The following IDO2 variants were observed in gnomAD, a reference collection of about 807,000 sequenced individuals.
The protein encoded by IDO2 is indoleamine 2,3-dioxygenase-like 1 protein.
In IDO2, 46 loss-of-function variants were observed where a neutral mutation model predicts 45.1. The ratio of observed to expected loss-of-function variants is 1.02; its 90% CI spans 0.80 to 1.30. The LOEUF (loss-of-function observed/expected upper bound fraction) is 1.30, where lower values mean the gene tolerates loss of function less well. Ranked by LOEUF, IDO2 falls within the 50% of genes most tolerant of loss-of-function variation. The pLI is 0.00. For missense variants in IDO2, 544 were observed against 491.8 expected, an observed-to-expected ratio of 1.11 and a Z score of -1.00; for synonymous variants, 218 against 184.9, an observed-to-expected ratio of 1.18 and a Z score of -1.45.
intron 8 of IDO2, among the ~76,000 whole-genome samples, chr8:39,990,723 T>C (rs1470427707): frequency 1.3e-5 from 2 of 152,226 alleles, no homozygotes; most frequent in African/African-American, 4.8e-5. Flanking sequence ...GCACATGTAT[T>C]CCCATTGCAA....
chr8:39,974,431 A>G (rs577813733), intron 3 of IDO2, among the ~76,000 whole-genome samples: 1 of 152,222 alleles, frequency 6.6e-6, no homozygotes, highest in Admixed American at 6.5e-5. Flanking sequence ...AAAATCAAAA[A>G]TGTTTCATCT....
At chr8:40,012,481 C>T (rs1018408388) in intron 9 of IDO2, among the ~76,000 whole-genome samples, 2 of 152,162 alleles carry the variant, frequency 1.3e-5, no homozygotes, top group African/African-American at 4.8e-5. Flanking sequence ...CTCCAAAAAT[C>T]TGTCCTGATG....
At chr8:39,960,806 G>A (rs747055845) in intron 2 of IDO2, among the ~76,000 whole-genome samples, 3 of 151,500 alleles carry the variant, frequency 2.0e-5, no homozygotes, top group East Asian at 1.9e-4. Flanking sequence ...TTTTTGAGAC[G>A]GAGTCTCGCT....
At chr8:40,010,125 T>C (rs1802290501) in intron 9 of IDO2, among the ~76,000 whole-genome samples, 1 of 152,018 alleles carries the variant, frequency 6.6e-6, no homozygotes, top group Non-Finnish European at 1.5e-5. Context: ...AATGAAGAAA[T>C]GGAAAGCTGG....
chr8:40,015,971 A>AAAC (rs1802382550), exon 11 of IDO2: 4 of 373,568 alleles, frequency 1.1e-5, no homozygotes, highest in South Asian at 1.3e-4. Context: ...TTCTTAAAAA[A>AAAC]CAAATTCACT....
intron 3 of IDO2, among the ~76,000 whole-genome samples, chr8:39,964,307 G>A (rs1258625562): frequency 6.6e-6 from 1 of 152,196 alleles, no homozygotes; most frequent in East Asian, 1.9e-4. Context: ...CCCTGAAAAA[G>A]TTACTCAACT....
chr8:39,998,264 GT>G (rs1802079963), intron 8 of IDO2: 1 of 152,172 alleles, frequency 6.6e-6, no homozygotes, highest in African/African-American at 2.4e-5. Flanking sequence ...GATATGGCAT[GT>G]TTCATTATCC....
chr8:39,971,797 C>T (rs535891353), intron 3 of IDO2, among the ~76,000 whole-genome samples: 6 of 146,612 alleles, frequency 4.1e-5, no homozygotes, highest in South Asian at 4.6e-4. Flanking sequence ...TGCAATCTTA[C>T]GATTGAACTT....
chr8:39,938,522 T>C (rs1402477256), intron 1 of IDO2, among the ~76,000 whole-genome samples: 1 of 151,930 alleles, frequency 6.6e-6, no homozygotes, highest in Non-Finnish European at 1.5e-5. Flanking sequence ...TAGGTGACCT[T>C]GGGTTTGGAG....
chr8:39,987,705 A>C (rs1808445303), intron 6 of IDO2, 166 bp from the exon 7 acceptor site: 2 of 559,744 alleles, frequency 3.6e-6, no homozygotes. Context: ...TTCCTCCCTG[A>C]ATGTTGCTGA....
chr8:40,003,530 C>T (rs1483801117), intron 8 of IDO2, among the ~76,000 whole-genome samples: 2 of 151,954 alleles, frequency 1.3e-5, no homozygotes, highest in African/African-American at 4.8e-5. Context: ...TATTTACCTG[C>T]CTCTTACCTG....
intron 2 of IDO2, among the ~76,000 whole-genome samples, chr8:39,962,397 T>C (rs1276187470): frequency 6.6e-6 from 1 of 152,176 alleles, no homozygotes; most frequent in Non-Finnish European, 1.5e-5. Flanking sequence ...GTCCTACAAA[T>C]TTATCTTCCT....
chr8:39,993,227 T>C (rs72630551), intron 8 of IDO2, among the ~76,000 whole-genome samples: 3 of 147,902 alleles, frequency 2.0e-5, no homozygotes, highest in Admixed American at 6.8e-5. Flanking sequence ...AAGACATGTG[T>C]TTTTTTTTTT....
intron 8 of IDO2, among the ~76,000 whole-genome samples, chr8:39,995,871 T>C (rs1005756862): frequency 6.6e-6 from 1 of 152,172 alleles, no homozygotes; most frequent in African/African-American, 2.4e-5. Flanking sequence ...CTCCTTGGTC[T>C]AGCGGTAACG....
chr8:39,995,224 TCTCCTTCTCCTTCTCCTTCTC>T (rs1563438223), intron 8 of IDO2: 15 of 80,820 alleles, frequency 1.9e-4, no homozygotes, highest in African/African-American at 8.9e-4. Flanking sequence ...TCCTTCTCCT[TCTCCTTCTCCTTCTCCTTCTC>T]CTTCTCCTTC....
chr8:39,955,519 A>G (rs943512417), intron 2 of IDO2, among the ~76,000 whole-genome samples: 1 of 151,878 alleles, frequency 6.6e-6, no homozygotes, highest in African/African-American at 2.4e-5. Context: ...GCATCTGAAA[A>G]TGCTGGGGTT....
In IDO2 at chr8:39,999,276, C is replaced by CT. The variant is rs35720120; in HGVS notation, c.668-6030dup. ...GGCCTTGGGCTTCATTCTGCTGCTG[C>CT]TTTTTTTTTTTTTTTTTTTTTGAGA... On this transcript the variant is annotated intron_variant, in intron 8 of 10. Transcript: ENST00000502986. 7.1e-3 allele frequency among the ~76,000 whole-genome samples: 555 copies of CT among 78,398 alleles called. 32 individuals are homozygous for CT. The highest frequency in any genetic ancestry group is 0.015 in the African/African-American group (306 of 19,824). The allele number at this position is 78,398 out of a possible 152,430, so 51.4% of individuals were successfully genotyped here. A position where few individuals can be genotyped will look rare whatever the true frequency, so the allele number is the denominator to read the frequency against.
At chr8:39,935,850 G>GCAAAACCTGAAGT (rs1371410337) in intron 1 of IDO2, among the ~76,000 whole-genome samples, 3 of 152,268 alleles carry the variant, frequency 2.0e-5, no homozygotes, top group East Asian at 3.9e-4. Flanking sequence ...TTGGAAGACA[G>GCAAAACCTGAAGT]CAAAACCTGA....
At chr8:39,938,333 A>G (rs1807589362) in intron 1 of IDO2, among the ~76,000 whole-genome samples, 1 of 152,104 alleles carries the variant, frequency 6.6e-6, no homozygotes, top group African/African-American at 2.4e-5. Context: ...AAAACTATAT[A>G]TTTTGTATAT....
Sources: gnomAD v4.1 joint callset for allele counts (sites outside exome capture counted in the v4.1 genomes callset) on GRCh38, gnomAD v4.1.1 for gene constraint, MANE v1.5 for transcripts, NCBI Gene and HGNC (gene_info 2026-07-23, HGNC 2026-07-21) for gene names.